The following SHB variants were observed in gnomAD, a reference collection of about 807,000 sequenced individuals.
The protein encoded by SHB is SH2 domain containing adaptor protein B.
SHB carries 20 observed loss-of-function variants against 52.3 expected under a neutral mutation model. The ratio of observed to expected loss-of-function variants is 0.38; its 90% CI spans 0.27 to 0.56. The LOEUF (loss-of-function observed/expected upper bound fraction) is 0.56, where lower values mean the gene tolerates loss of function less well. Ranked by LOEUF, SHB falls within the 20% of genes least tolerant of loss-of-function variation. The pLI, the probability that SHB is intolerant of heterozygous loss-of-function variation, is 0.71. For synonymous variants in SHB, 397 were observed against 316.5 expected, an observed-to-expected ratio of 1.25 and a Z score of -2.70; for missense variants, 825 against 723.3, an observed-to-expected ratio of 1.14 and a Z score of -1.61.
At chr9:38,005,205 T>TTGAGGC (rs1182732293) in intron 2 of SHB, among the ~76,000 whole-genome samples, 3 of 152,276 alleles carry the variant, frequency 2.0e-5, no homozygotes, top group African/African-American at 7.2e-5. Flanking sequence ...GGCCCAAAAG[T>TTGAGGC]TGAGGCTTGG....
Position 37,921,883 on chromosome 9 carries a change from TGAGAA to T in SHB, c.1347-1884_1347-1880del, listed in dbSNP as rs1832184753. Among the ~76,000 whole-genome samples, 3 of 152,304 alleles carry T rather than the reference TGAGAA, an allele frequency of 2.0e-5. No individual in the cohort carries two copies. In the South Asian group the frequency reaches 6.2e-4, roughly 32 times the overall value. ...AAGTAATGCGCTGAAACTGTGTGGCTGAGAAAACAGCAGAAGAGTTAAAAAGCTGA... is the reference window on the plus strand; with the variant it reads ...AAGTAATGCGCTGAAACTGTGTGGCTAACAGCAGAAGAGTTAAAAAGCTGA... On this transcript the variant is annotated intron_variant, in intron 5 of 5. Transcript: ENST00000377707.
intron 1 of SHB, among the ~76,000 whole-genome samples, chr9:38,028,998 C>T (rs1821380532): frequency 2.0e-5 from 3 of 152,186 alleles, no homozygotes; most frequent in Non-Finnish European, 4.4e-5. Context: ...ACAGGACCAC[C>T]GAGCTTCCCA....
intron 2 of SHB, among the ~76,000 whole-genome samples, chr9:38,001,810 T>C (rs1821017450): frequency 6.6e-6 from 1 of 152,194 alleles, no homozygotes; most frequent in East Asian, 1.9e-4. Flanking sequence ...ACTTGAGCGC[T>C]TGGCAGTTCA....
rs559976177 is a variant in SHB at position 37,937,467 on chromosome 9, A to G, written c.1346+11168T>C. On this transcript the variant is annotated intron_variant, in intron 5 of 5. Coordinates refer to ENST00000377707, the MANE Select transcript of SHB (RefSeq NM_003028.3). The stretch of plus-strand genomic sequence containing the variant: ...GTGAAATAATCTTTAAAAAGATAAG[A>G]AAAAAAAAAAAAGCAAAGCATTATT... Among the ~76,000 whole-genome samples the G allele has an allele frequency of 1.7e-3, 241 of 139,778 alleles. 4 individuals are homozygous for G. Among genetic ancestry groups the G allele is most frequent in the African/African-American group, 6.1e-3 (224 of 36,774 alleles). 91.7% of individuals were successfully genotyped at this position (139,778 alleles called of 152,430 possible).
chr9:37,988,646 T>C (rs1438140488), intron 2 of SHB, among the ~76,000 whole-genome samples: 2 of 152,212 alleles, frequency 1.3e-5, no homozygotes, highest in South Asian at 2.1e-4. Context: ...TGGTTCTTTT[T>C]ATGTGTCAAC....
intron 1 of SHB, among the ~76,000 whole-genome samples, chr9:38,023,742 TCGAGGCACTTC>T: frequency 6.6e-6 from 1 of 152,294 alleles, no homozygotes; most frequent in South Asian, 2.1e-4. Context: ...CTCATAACTC[TCGAGGCACTTC>T]CGCCTGTGTG....
intron 5 of SHB, among the ~76,000 whole-genome samples, chr9:37,928,081 C>G (rs1587194338): frequency 6.6e-6 from 1 of 152,338 alleles, no homozygotes; most frequent in East Asian, 1.9e-4. Flanking sequence ...TCTGATCCCA[C>G]TGATATCATT....
At chr9:37,949,053 A>G (rs1832529054) in intron 4 of SHB, among the ~76,000 whole-genome samples, 1 of 152,194 alleles carries the variant, frequency 6.6e-6, no homozygotes, top group Admixed American at 6.5e-5. Flanking sequence ...GAAGTGGCAT[A>G]GGCTCATGGA....
intron 2 of SHB, 127 bp from the exon 3 acceptor site, chr9:37,974,964 CCT>C (rs1025191562): frequency 4.2e-4 from 341 of 809,330 alleles, no homozygotes; most frequent in Non-Finnish European, 6.0e-4. Flanking sequence ...GAGACAGACC[CCT>C]GTCTGGGTTT....
At chr9:37,954,876 G>C (rs1832610361) in intron 4 of SHB, among the ~76,000 whole-genome samples, 1 of 152,130 alleles carries the variant, frequency 6.6e-6, no homozygotes, top group African/African-American at 2.4e-5. Flanking sequence ...AGAGCAGGGA[G>C]ATGATAACCA....
intron 1 of SHB, among the ~76,000 whole-genome samples, chr9:38,046,669 G>A (rs966719444): frequency 5.0e-4 from 76 of 152,360 alleles, no homozygotes; most frequent in African/African-American, 1.7e-3. Flanking sequence ...GGGGCAGGAC[G>A]CAAGCCTCTA....
intron 2 of SHB, among the ~76,000 whole-genome samples, chr9:37,987,803 G>A (rs1820829917): frequency 6.6e-6 from 1 of 152,200 alleles, no homozygotes; most frequent in African/African-American, 2.4e-5. Flanking sequence ...AGATGCGTCA[G>A]AGGGGCGGCC....
Position 37,919,971 on chromosome 9 carries a change from G to A in SHB, c.1380C>T (p.Ala460=). The A allele has an allele frequency of 6.2e-7, 1 of 1,614,014 alleles. No homozygotes were observed. Among genetic ancestry groups the A allele is most frequent in the Middle Eastern group, 1.7e-4 (1 of 6,060 alleles). Residue 460 remains alanine, a synonymous_variant, in exon 6 of 6, where the codon GCC becomes GCT. Coordinates refer to ENST00000377707, the MANE Select transcript of SHB (RefSeq NM_003028.3). ...CCAGAACGTATTTCTCTTTGGTTTT[G>A]GCCAGTTTCATGTGCATAAAACCCT... is the stretch of plus-strand genomic sequence containing the variant. ...SNQGFMHMKL[A]KTKEKYVLGQ...
intron 2 of SHB, among the ~76,000 whole-genome samples, chr9:37,994,248 A>G (rs909591080): frequency 6.6e-6 from 1 of 152,198 alleles, no homozygotes; most frequent in African/African-American, 2.4e-5. Context: ...AAATCCTCCA[A>G]CTTCTCTCTG....
rs1272370195 is a variant in SHB, at chr9:37,916,143, G to A, written c.*3678C>T. On this transcript the variant is annotated 3_prime_UTR_variant, in exon 6 of 6. Coordinates refer to ENST00000377707, the MANE Select transcript of SHB (RefSeq NM_003028.3). ...AACAAGTCCCCGTGGGGTTCTGGGA[G>A]GTGCGCCCACATCTAAGACTGTGCG... Among the ~76,000 whole-genome samples, 2 of 152,224 alleles carry A rather than the reference G, an allele frequency of 1.3e-5. No individual in the cohort carries two copies. Among genetic ancestry groups the A allele is most frequent in the Non-Finnish European group, 2.9e-5 (2 of 68,038 alleles).
intron 1 of SHB, among the ~76,000 whole-genome samples, chr9:38,056,937 T>C (rs1255229272): frequency 1.3e-5 from 2 of 152,208 alleles, no homozygotes; most frequent in Admixed American, 6.5e-5. Context: ...TCCAGGAAAC[T>C]GCAAATGCAA....
chr9:37,916,059 GCCAAGGGGCACCTGTGTTCCAGGA>G lies in SHB; in HGVS notation c.*3738_*3761del, dbSNP rs376382744. Among the ~76,000 whole-genome samples the G allele has an allele frequency of 4.9e-3, 750 of 152,336 alleles. 11 individuals carry two copies. Among genetic ancestry groups the G allele is most frequent in the African/African-American group, 0.017 (719 of 41,584 alleles). The stretch of plus-strand genomic sequence containing the variant: ...CAGCCCCAAGGAGGGAGGTGGAAAG[GCCAAGGGGCACCTGTGTTCCAGGA>G]CCAAGGGGCTTGCCCTCCTGCAAGC... On this transcript the variant is annotated 3_prime_UTR_variant, in exon 6 of 6. Transcript: ENST00000377707.
chr9:37,973,265 C>T (rs1587221554), intron 3 of SHB, among the ~76,000 whole-genome samples: 1 of 152,218 alleles, frequency 6.6e-6, no homozygotes, highest in East Asian at 1.9e-4. Context: ...CTCTTGTTGC[C>T]CAGGCTGGAG....
chr9:37,951,575 C>T (rs759831143), intron 4 of SHB, among the ~76,000 whole-genome samples: 1 of 152,244 alleles, frequency 6.6e-6, no homozygotes, highest in Non-Finnish European at 1.5e-5. Context: ...CCATTTGAAG[C>T]TGAGCCGTCC....
Sources: gnomAD v4.1 joint callset for allele counts (sites outside exome capture counted in the v4.1 genomes callset) on GRCh38, gnomAD v4.1.1 for gene constraint, MANE v1.5 for transcripts, NCBI Gene and HGNC (gene_info 2026-07-23, HGNC 2026-07-21) for gene names.